KCNMA1: variants seen among roughly 807,000 people sequenced by gnomAD.
KCNMA1 encodes potassium calcium-activated channel subfamily M alpha 1.
A neutral mutation model predicts 140.0 loss-of-function variants in KCNMA1; 29 were observed. The ratio of observed to expected loss-of-function variants is 0.21; its 90% CI spans 0.15 to 0.28. The LOEUF is 0.28. Ranked by LOEUF, KCNMA1 falls within the 10% of genes least tolerant of loss-of-function variation. The pLI is 1.00. For synonymous variants in KCNMA1, 612 were observed against 611.9 expected (o/e 1.00, Z 0.00); for missense variants, 880 against 1,602.2 (o/e 0.55, Z 7.70).
chr10:77,261,100 C>A (rs1020277357), intron 2 of KCNMA1, among the ~76,000 whole-genome samples: 3 of 152,160 alleles, frequency 2.0e-5, no homozygotes, highest in African/African-American at 4.8e-5. Flanking sequence ...TTATTAACCA[C>A]CTGCATGCCC....
chr10:77,487,874 C>T (rs1243323360), intron 1 of KCNMA1, among the ~76,000 whole-genome samples: 1 of 152,122 alleles, frequency 6.6e-6, no homozygotes, highest in Non-Finnish European at 1.5e-5. Context: ...CCCAGAACTA[C>T]AAAGTCAGGA....
chr10:77,500,277 A>T (rs961338261), intron 1 of KCNMA1, among the ~76,000 whole-genome samples: 3 of 151,134 alleles, frequency 2.0e-5, no homozygotes, highest in African/African-American at 7.3e-5. Flanking sequence ...ATAAATATAT[A>T]AAATTATACA....
chr10:76,902,875 A>G (rs1459696710), intron 25 of KCNMA1: 1 of 152,252 alleles, frequency 6.6e-6, no homozygotes, highest in African/African-American at 2.4e-5. Context: ...TAGACAAAGC[A>G]TACTCAAAAA....
intron 2 of KCNMA1, among the ~76,000 whole-genome samples, chr10:77,289,014 A>C (rs938230212): frequency 5.3e-5 from 8 of 152,170 alleles, no homozygotes; most frequent in Admixed American, 4.6e-4. Context: ...AGAATGCTGC[A>C]ATCTGCTCAC....
rs199819984 is a variant in KCNMA1, at chr10:76,886,404, T to C, written c.*862A>G. ...TTACATCTGATATTTATGATACATA[T>C]GGCTTTTCATCCCAAATGTCAAAAG... On this transcript the variant is annotated 3_prime_UTR_variant, in exon 28 of 28. Transcript: ENST00000286628. The C allele has an allele frequency of 2.4e-4, 237 of 985,244 alleles. No individual in the cohort carries two copies. The highest frequency in any genetic ancestry group is 2.1e-3 in the Middle Eastern group (4 of 1,914). 61.0% of individuals were successfully genotyped at this position (985,244 alleles called of 1,614,324 possible). A position where few individuals can be genotyped will look rare whatever the true frequency, so the allele number is the denominator to read the frequency against.
intron 24 of KCNMA1, chr10:76,910,397 A>G (rs2049672990): frequency 2.6e-6 from 1 of 383,192 alleles, no homozygotes; most frequent in Non-Finnish European, 5.0e-6. Context: ...CTTTAGGATC[A>G]TGACCTAAAA....
At chr10:77,059,699 G>C (rs1197200178) in intron 14 of KCNMA1, among the ~76,000 whole-genome samples, 1 of 151,978 alleles carries the variant, frequency 6.6e-6, no homozygotes, top group Non-Finnish European at 1.5e-5. Flanking sequence ...AAATGGGAAG[G>C]AACTCCCTCA....
At chr10:77,551,249 A>G (rs1221362219) in intron 1 of KCNMA1, among the ~76,000 whole-genome samples, 1 of 152,224 alleles carries the variant, frequency 6.6e-6, no homozygotes, top group Non-Finnish European at 1.5e-5. Context: ...TTATATGTAC[A>G]GGGGAAGGAC....
intron 2 of KCNMA1, among the ~76,000 whole-genome samples, chr10:77,324,710 C>T (rs535989612): frequency 2.0e-5 from 3 of 152,222 alleles, no homozygotes; most frequent in African/African-American, 7.2e-5. Flanking sequence ...TTTTCTGTCA[C>T]GTTCTCAGCA....
intron 2 of KCNMA1, among the ~76,000 whole-genome samples, chr10:77,267,405 G>A (rs1044242017): frequency 1.3e-5 from 2 of 152,164 alleles, no homozygotes; most frequent in African/African-American, 2.4e-5. Context: ...TCAAATCCAG[G>A]TCGGACTCCC....
intron 2 of KCNMA1, among the ~76,000 whole-genome samples, chr10:77,402,021 T>C (rs1434971136): frequency 2.0e-5 from 3 of 152,246 alleles, no homozygotes; most frequent in Admixed American, 6.5e-5. Context: ...GCAATGCTGA[T>C]GAAGAAAATT....
chr10:77,621,901 T>C (rs2091502444), intron 1 of KCNMA1, among the ~76,000 whole-genome samples: 1 of 152,180 alleles, frequency 6.6e-6, no homozygotes, highest in Non-Finnish European at 1.5e-5. Flanking sequence ...AATAGTGTTT[T>C]TCTCCAAAAC....
chr10:77,295,182 T>G (rs577914127), intron 2 of KCNMA1, among the ~76,000 whole-genome samples: 1 of 151,838 alleles, frequency 6.6e-6, no homozygotes, highest in East Asian at 2.0e-4. Flanking sequence ...ACCCTGTCTC[T>G]ACTAAAAATA....
At chr10:77,278,326 T>C (rs986434126) in intron 2 of KCNMA1, among the ~76,000 whole-genome samples, 1 of 152,154 alleles carries the variant, frequency 6.6e-6, no homozygotes, top group African/African-American at 2.4e-5. Flanking sequence ...CATTTCCATA[T>C]GGTTAAATGG....
Position 76,886,387 on chromosome 10 carries a change from G to A in KCNMA1, c.*879C>T. 1 of 984,844 alleles carries A rather than the reference G, an allele frequency of 1.0e-6. No individual in the cohort carries two copies. Among genetic ancestry groups the A allele is most frequent in the Non-Finnish European group, 1.2e-6 (1 of 829,470 alleles). The allele number at this position is 984,844 out of a possible 1,614,324, so 61.0% of individuals were successfully genotyped here. A position where few individuals can be genotyped will look rare whatever the true frequency, so the allele number is the denominator to read the frequency against. ...AGGCAGTTTTTAATGACTTACATCT[G>A]ATATTTATGATACATATGGCTTTTC... On this transcript the variant is annotated 3_prime_UTR_variant, in exon 28 of 28. Coordinates refer to ENST00000286628, the MANE Select transcript of KCNMA1 (RefSeq NM_001161352.2).
intron 1 of KCNMA1, among the ~76,000 whole-genome samples, chr10:77,627,875 G>C (rs991162349): frequency 6.6e-6 from 1 of 152,234 alleles, no homozygotes; most frequent in Admixed American, 6.5e-5. Context: ...CACAGGGCCT[G>C]AGGCCCCAAA....
At position 76,887,653 on chromosome 10, in the gene KCNMA1, C is replaced by T. The variant is rs532127621; in HGVS notation, c.3462-138G>A. On this transcript the variant is annotated intron_variant, in intron 27 of 27. Coordinates refer to ENST00000286628, the MANE Select transcript of KCNMA1 (RefSeq NM_001161352.2). The stretch of plus-strand genomic sequence containing the variant: ...AGATGCACTCCTAGCTGGTCTGAGG[C>T]CTTAAACATTCTTTTTCTTGTTAAA... 385 of 942,794 alleles carry T rather than the reference C, an allele frequency of 4.1e-4. 4 individuals carry two copies. In the South Asian group the frequency reaches 5.4e-3, roughly 13 times the overall value. 58.4% of individuals were successfully genotyped at this position (942,794 alleles called of 1,614,324 possible).
intron 25 of KCNMA1, among the ~76,000 whole-genome samples, chr10:76,898,988 A>G (rs972161220): frequency 2.0e-5 from 3 of 152,076 alleles, no homozygotes; most frequent in African/African-American, 7.2e-5. Flanking sequence ...CACAAATAAA[A>G]TTAGAAATAA....
At position 76,887,437 on chromosome 10, in the gene KCNMA1, G is replaced by A; in HGVS notation, c.3540C>T (p.His1180=). The change falls in exon 28 of 28, where the codon CAC becomes CAT. Residue 1180 remains histidine, a synonymous_variant. Coordinates refer to ENST00000286628, the MANE Select transcript of KCNMA1 (RefSeq NM_001161352.2). ...DLIFCLMQFD[H]NAGQSRASLS... is the part of the protein sequence containing the mutation. ...GGCTGGCCCGGGACTGGCCGGCATT[G>A]TGGTCAAACTGCATTAAGCAGAAGA... is the stretch of plus-strand genomic sequence containing the variant. 6.2e-7 allele frequency: 1 copy of A among 1,614,180 alleles called. No individual in the cohort carries two copies.
Sources: gnomAD v4.1 joint callset for allele counts (sites outside exome capture counted in the v4.1 genomes callset) on GRCh38, gnomAD v4.1.1 for gene constraint, MANE v1.5 for transcripts, NCBI Gene and HGNC (gene_info 2026-07-23, HGNC 2026-07-21) for gene names.